The following CA7 variants were observed in gnomAD, a reference collection of about 807,000 sequenced individuals.
CA7 encodes carbonic anhydrase 7.
A neutral mutation model predicts 31.4 loss-of-function variants in CA7; 13 were observed. The observed-to-expected ratio is 0.41, with a 90% CI of 0.27 to 0.66. The LOEUF (loss-of-function observed/expected upper bound fraction) is 0.66, where lower values mean the gene tolerates loss of function less well. Ranked by LOEUF, CA7 falls within the 30% of genes least tolerant of loss-of-function variation. The probability of loss-of-function intolerance (pLI) is 0.28; values close to 1 mark genes in which losing one functional copy is unlikely to be tolerated. For missense variants in CA7, 215 were observed against 351.0 expected (o/e 0.61, Z 3.10); for synonymous variants, 128 against 133.2 (o/e 0.96, Z 0.27).
Position 66,853,184 on chromosome 16 carries a change from C to G in CA7, c.673-192C>G, listed in dbSNP as rs1190253341. 6.6e-6 allele frequency among the ~76,000 whole-genome samples: 1 copy of G among 152,064 alleles called. No homozygotes were observed. The highest frequency in any genetic ancestry group is 1.5e-5 in the Non-Finnish European group (1 of 68,018). On this transcript the variant is annotated intron_variant, in intron 6 of 6. Transcript: ENST00000338437. This position sits in a 1 kb window ranked among gnomAD's most constrained non-coding sequence, Gnocchi z 4.5. The stretch of plus-strand genomic sequence containing the variant: ...AACTAGAACTAGGTAAAGCAGAGCC[C>G]AGACCCTTTAGTGAGTAAATAAATG...
Position 66,844,910 on chromosome 16 carries a change from G to A in CA7, c.40+383G>A, listed in dbSNP as rs1025409349. On this transcript the variant is annotated intron_variant, in intron 1 of 6. Coordinates refer to ENST00000338437, the MANE Select transcript of CA7 (RefSeq NM_005182.3). ...GCGGGCGCCGCGGAGCGCTGTGCGC[G>A]GGTGTCTGCGGGGAGCGCGCACGGC... 6 of 1,036,310 alleles carry A rather than the reference G, an allele frequency of 5.8e-6. No individual in the cohort carries two copies. The African/African-American group carries it at 1.0e-4, about 18-fold the overall frequency. The allele number at this position is 1,036,310 out of a possible 1,614,324, so 64.2% of individuals were successfully genotyped here. A position where few individuals can be genotyped will look rare whatever the true frequency, so the allele number is the denominator to read the frequency against.
Position 66,844,442 on chromosome 16 carries a change from G to A in CA7, c.-46G>A. 6.6e-7 allele frequency: 1 copy of A among 1,511,336 alleles called. No homozygotes were observed. Among genetic ancestry groups the A allele is most frequent in the Non-Finnish European group, 8.9e-7 (1 of 1,124,044 alleles). 93.6% of individuals were successfully genotyped at this position (1,511,336 alleles called of 1,614,324 possible). On this transcript the variant is annotated 5_prime_UTR_variant, in exon 1 of 7. Coordinates refer to ENST00000338437, the MANE Select transcript of CA7 (RefSeq NM_005182.3). ...GCCGGAGCCGCAGCCCGAACGAGCG[G>A]ACCGAGCCGACCGGGCAGGTGCACG...
At chr16:66,845,250 C>A (rs1004858563) in intron 1 of CA7, 11 of 984,940 alleles carry the variant, frequency 1.1e-5, no homozygotes, top group Non-Finnish European at 1.3e-5. Flanking sequence ...AGCCAGACGG[C>A]TGGAGTGTGG....
intron 1 of CA7, 97 bp downstream of exon 1, chr16:66,844,624 G>T: frequency 9.3e-7 from 1 of 1,081,050 alleles, no homozygotes; most frequent in East Asian, 3.1e-5. Flanking sequence ...AGACCGGAAA[G>T]CTCCCACACT....
intron 5 of CA7, 99 bp downstream of exon 5, chr16:66,851,825 C>A: frequency 3.7e-6 from 4 of 1,076,594 alleles, no homozygotes; most frequent in Non-Finnish European, 5.6e-6. Flanking sequence ...GGGAGTAAAC[C>A]CTTGCTGAGA....
chr16:66,846,113 C>T (rs2145376663), intron 1 of CA7, among the ~76,000 whole-genome samples: 1 of 152,212 alleles, frequency 6.6e-6, no homozygotes, highest in African/African-American at 2.4e-5. Flanking sequence ...GATGCTGAGC[C>T]TCTCGGCTGC....
intron 1 of CA7, 142 bp from the exon 2 acceptor site, chr16:66,846,888 T>C (rs1470363646): frequency 2.6e-5 from 17 of 662,584 alleles, no homozygotes; most frequent in Admixed American, 7.8e-5. Flanking sequence ...AAAGCTGGGA[T>C]TGGAACTCCA....
chr16:66,845,504 T>C (rs1236597012), intron 1 of CA7, among the ~76,000 whole-genome samples: 1 of 151,740 alleles, frequency 6.6e-6, no homozygotes. Context: ...AGAGGGAGGG[T>C]GCTGTGGAGT....
At chr16:66,848,364 G>A (rs1322283722) in intron 2 of CA7, among the ~76,000 whole-genome samples, 1 of 152,180 alleles carries the variant, frequency 6.6e-6, no homozygotes, top group East Asian at 1.9e-4. Context: ...GACCCTAGAT[G>A]ATAGTTTGGC....
Position 66,853,354 on chromosome 16 carries a change from G to T in CA7, c.673-22G>T, listed in dbSNP as rs192545276. On this transcript the variant is annotated intron_variant, in intron 6 of 6. Coordinates refer to ENST00000338437, the MANE Select transcript of CA7 (RefSeq NM_005182.3). The surrounding 1 kb of genome is among the most constrained non-coding windows in gnomAD (Gnocchi z 4.5). Reference sequence around the variant, plus strand: ...CCACAGCACCCCCAATCTGCCCTGAGCATTCCTTCTGCTTCCTCAAGATGG... The same window carrying T: ...CCACAGCACCCCCAATCTGCCCTGATCATTCCTTCTGCTTCCTCAAGATGG... 3,753 of 1,614,046 alleles carry T rather than the reference G, an allele frequency of 2.3e-3. 3 individuals are homozygous for T. Among genetic ancestry groups the T allele is most frequent in the Non-Finnish European group, 2.8e-3 (3,325 of 1,179,938 alleles).
chr16:66,844,926 CGCGCACGGCAAGTGAGCGGGG>C (rs1960893387), intron 1 of CA7: 12 of 1,020,710 alleles, frequency 1.2e-5, no homozygotes, highest in Middle Eastern at 4.7e-4. Context: ...CTGCGGGGAG[CGCGCACGGCAAGTGAGCGGGG>C]ACCTCGGGGG....
intron 1 of CA7, 149 bp downstream of exon 1, chr16:66,844,676 C>A: frequency 1.4e-6 from 1 of 706,622 alleles, no homozygotes; most frequent in Non-Finnish European, 2.2e-6. Flanking sequence ...GGCCCCCGAA[C>A]TTGGCCCAAG....
At chr16:66,848,991 G>A (rs1365618903) in intron 2 of CA7, among the ~76,000 whole-genome samples, 1 of 152,168 alleles carries the variant, frequency 6.6e-6, no homozygotes, top group Non-Finnish European at 1.5e-5. Context: ...AAGAAAGAGG[G>A]ACTTCTGGAC....
At chr16:66,852,639 G>T (rs1972055) in intron 5 of CA7, 73 bp from the exon 6 acceptor site, 10,216 of 996,382 alleles carry the variant, frequency 0.01, 248 homozygotes, top group South Asian at 0.091. Context: ...AGAAAGAGAT[G>T]GGTGGAGAAG....
intron 2 of CA7, among the ~76,000 whole-genome samples, chr16:66,849,277 G>A (rs1470282685): frequency 6.6e-6 from 1 of 152,166 alleles, no homozygotes; most frequent in Non-Finnish European, 1.5e-5. Flanking sequence ...CCATTTCTGG[G>A]GGAGGCGGCA....
chr16:66,853,126 A>T lies in CA7; in HGVS notation c.673-250A>T, dbSNP rs577594506. Among the ~76,000 whole-genome samples the T allele has an allele frequency of 1.3e-5, 2 of 152,086 alleles. No homozygotes were observed. The highest frequency in any genetic ancestry group is 2.9e-5 in the Non-Finnish European group (2 of 68,014). ...TACTGTGTTGGAATCTGAATGCTAC[A>T]TTTGCTGATAAGTCTTAGCTAGATG... On this transcript the variant is annotated intron_variant, in intron 6 of 6. Transcript: ENST00000338437. The surrounding 1 kb of genome is among the most constrained non-coding windows in gnomAD (Gnocchi z 4.5).
In CA7 at chr16:66,851,692, G is replaced by A. The variant is rs201012946; in HGVS notation, c.482G>A (p.Arg161His). ...GGAGACGAGCACCCCAGCATGAATC[G>A]TCTGACAGATGCGCTCTACATGGTC... The part of the protein sequence containing the change: ...ETGDEHPSMN[R>H]LTDALYMVRF... Residue 161 changes from arginine to histidine, a missense_variant, in exon 5 of 7, where the codon CGT becomes CAT. Physicochemically the swap from Arg to His is conservative, Grantham distance 29. Coordinates refer to ENST00000338437, the MANE Select transcript of CA7 (RefSeq NM_005182.3). 13 of 1,614,102 alleles carry A rather than the reference G, an allele frequency of 8.1e-6. No homozygotes were observed. The highest frequency in any genetic ancestry group is 2.7e-5 in the African/African-American group (2 of 75,036).
rs1351170856 is a variant in CA7, at chr16:66,844,472, C to T, written c.-16C>T. On this transcript the variant is annotated 5_prime_UTR_variant, in exon 1 of 7. Coordinates refer to ENST00000338437, the MANE Select transcript of CA7 (RefSeq NM_005182.3). ...AGCCGACCGGGCAGGTGCACGGCTG[C>T]GGGGACGGCAGCGGCATGACCGGCC... is the stretch of plus-strand genomic sequence containing the variant. 3.9e-6 allele frequency: 6 copies of T among 1,539,032 alleles called. No individual in the cohort carries two copies. Among genetic ancestry groups the T allele is most frequent in the Non-Finnish European group, 5.3e-6 (6 of 1,142,296 alleles).
intron 2 of CA7, among the ~76,000 whole-genome samples, chr16:66,848,806 C>T (rs2145379987): frequency 6.6e-6 from 1 of 152,262 alleles, no homozygotes; most frequent in Middle Eastern, 3.4e-3. Context: ...CTATAGGGTC[C>T]CAGGTGAGGC....
Sources: allele counts gnomAD v4.1 joint callset (sites outside exome capture counted in the v4.1 genomes callset), GRCh38; gene constraint gnomAD v4.1.1; non-coding constraint Gnocchi (gnomAD v3.1); transcripts MANE v1.5; gene names NCBI Gene and HGNC (gene_info 2026-07-23, HGNC 2026-07-21).